The following GLB1L3 variants were observed in gnomAD, a reference collection of about 807,000 sequenced individuals.
The protein encoded by GLB1L3 is beta-galactosidase-1-like protein 3.
GLB1L3 carries 89 observed loss-of-function variants against 89.5 expected under a neutral mutation model. The observed-to-expected ratio is 0.99, with a 90% confidence interval of 0.84 to 1.19. The LOEUF is 1.19. Among genes scored for constraint, GLB1L3 ranks in the 50% most tolerant of loss-of-function variants. The pLI is 0.00. For missense variants in GLB1L3, 812 were observed against 813.3 expected (o/e 1.00, Z 0.02); for synonymous variants, 314 against 312.3 (o/e 1.01, Z -0.06).
downstream of GLB1L3, among the ~76,000 whole-genome samples, chr11:134,323,360 AACACACACACATGCGTGCGC>A (rs1170283602): frequency 6.7e-6 from 1 of 150,222 alleles, no homozygotes; most frequent in Non-Finnish European, 1.5e-5. Flanking sequence ...GTCTCTACTA[AACACACACACATGCGTGCGC>A]ACACACACAC....
chr11:134,300,372 G>C (rs554780067), intron 9 of GLB1L3, among the ~76,000 whole-genome samples: 14 of 138,534 alleles, frequency 1.0e-4, no homozygotes, highest in African/African-American at 3.6e-4. Flanking sequence ...TTGCTCTGTC[G>C]CCCAGGCTAG....
chr11:134,304,630 A>G (rs1591571289), intron 9 of GLB1L3, among the ~76,000 whole-genome samples: 1 of 151,442 alleles, frequency 6.6e-6, no homozygotes, highest in Non-Finnish European at 1.5e-5. Context: ...AATATTTTCT[A>G]TTTTATCTGC....
chr11:134,309,854 G>A (rs1181448678), intron 11 of GLB1L3, 91 bp downstream of exon 11: 1 of 1,406,814 alleles, frequency 7.1e-7, no homozygotes, highest in South Asian at 1.2e-5. Flanking sequence ...GCACCACTGG[G>A]TTCTTGACCT....
At chr11:134,286,629 T>G (rs376502115) in intron 6 of GLB1L3, among the ~76,000 whole-genome samples, 104 of 142,212 alleles carry the variant, frequency 7.3e-4, no homozygotes, top group Middle Eastern at 4.1e-3. Flanking sequence ...TAGAAAAAAT[T>G]AGCCGGGCGT....
chr11:134,318,224 C>T (rs896271010), intron 18 of GLB1L3, among the ~76,000 whole-genome samples: 7 of 152,216 alleles, frequency 4.6e-5, no homozygotes, highest in Non-Finnish European at 1.0e-4. Flanking sequence ...CCTTGTCTCT[C>T]CATTTTCTTC....
chr11:134,307,101 T>C (rs1355879164), intron 9 of GLB1L3, 23 bp from the exon 10 acceptor site: 1 of 1,590,796 alleles, frequency 6.3e-7, no homozygotes, highest in East Asian at 2.2e-5. Flanking sequence ...CCAGACTTAG[T>C]ATTTGCTTTG....
chr11:134,308,475 T>TCACC (rs1565413930), intron 10 of GLB1L3, among the ~76,000 whole-genome samples: 4 of 20,362 alleles, frequency 2.0e-4, no homozygotes, highest in Admixed American at 6.0e-4. Flanking sequence ...CACCACCAAA[T>TCACC]ACCACCACCA....
At chr11:134,309,351 T>G (rs1565415520) in intron 10 of GLB1L3, among the ~76,000 whole-genome samples, 1 of 152,212 alleles carries the variant, frequency 6.6e-6, no homozygotes, top group Non-Finnish European at 1.5e-5. Flanking sequence ...ACGTCATCAA[T>G]AGGTTCTTGG....
intron 14 of GLB1L3, 47 bp from the exon 15 acceptor site, chr11:134,312,769 T>C (rs1942802480): frequency 1.3e-6 from 2 of 1,510,818 alleles, no homozygotes; most frequent in Non-Finnish European, 1.8e-6. Flanking sequence ...CTCTTCTCCC[T>C]TTCTTCGGGT....
At chr11:134,292,952 G>A (rs533740660) in intron 8 of GLB1L3, 193 bp from the exon 9 acceptor site, 25 of 628,182 alleles carry the variant, frequency 4.0e-5, no homozygotes, top group South Asian at 1.1e-4. Context: ...GGGTGTCCTC[G>A]CAAGTGTCAG....
chr11:134,320,758 T>G (rs971360065), downstream of GLB1L3, among the ~76,000 whole-genome samples: 2 of 151,190 alleles, frequency 1.3e-5, no homozygotes, highest in Non-Finnish European at 2.9e-5. Context: ...AAACAAAATA[T>G]AGAACTTTCT....
chr11:134,306,202 A>G (rs1013523578), intron 9 of GLB1L3, among the ~76,000 whole-genome samples: 1 of 152,234 alleles, frequency 6.6e-6, no homozygotes, highest in Non-Finnish European at 1.5e-5. Context: ...AAGCAAAAAC[A>G]ATTAGAATGG....
intron 7 of GLB1L3, among the ~76,000 whole-genome samples, chr11:134,291,701 G>A (rs561114195): frequency 6.4e-4 from 97 of 152,196 alleles, no homozygotes; most frequent in Non-Finnish European, 1.0e-3. Flanking sequence ...TTGGCCAGGC[G>A]TGGTGGCTCA....
Position 134,312,362 on chromosome 11 carries a change from G to A in GLB1L3, c.1301G>A (p.Arg434His), listed in dbSNP as rs202191143. ...TTCTCCTCATAGCCAGTCAGGTCGC[G>A]TCAGCCCGTCAACATGGAGAACCTT... ...LSYLNEPVRS[R>H]QPVNMENLPI... Residue 434 changes from arginine (R) to histidine (H), a missense_variant, in exon 14 of 20, where the codon CGT becomes CAT. Physicochemically the swap from Arg to His is conservative, Grantham distance 29. This residue lies in a region of GLB1L3 where 618 missense variants were observed against 604.0 expected (regional missense o/e 1.02). Transcript: ENST00000431683. 98 of 1,613,586 alleles carry A rather than the reference G, an allele frequency of 6.1e-5. No homozygotes were observed. The highest frequency in any genetic ancestry group is 9.3e-5 in the African/African-American group (7 of 75,038).
downstream of GLB1L3, among the ~76,000 whole-genome samples, chr11:134,321,965 A>G (rs531500947): frequency 7.2e-5 from 11 of 152,368 alleles, 1 homozygote; most frequent in South Asian, 1.2e-3. Context: ...AGTAGAATAA[A>G]TACAGATATA....
intron 7 of GLB1L3, among the ~76,000 whole-genome samples, chr11:134,290,231 A>G (rs1941270984): frequency 6.6e-6 from 1 of 152,182 alleles, no homozygotes; most frequent in Admixed American, 6.5e-5. Context: ...GTATTCAGCC[A>G]GCATTATTTA....
chr11:134,276,609 C>A lies in GLB1L3; in HGVS notation c.-132C>A. ...GCCTCGGGACGGATTTCTGCCTCGGCTGCAGGCGCAGCGCGCAGACCTGAG... is the reference window on the plus strand; with the variant it reads ...GCCTCGGGACGGATTTCTGCCTCGGATGCAGGCGCAGCGCGCAGACCTGAG... On this transcript the variant is annotated 5_prime_UTR_variant, in exon 1 of 20. In the 5' UTR this introduces an upstream ATG that the reference lacks. Coordinates refer to ENST00000431683, the MANE Select transcript of GLB1L3 (RefSeq NM_001080407.3). 1.2e-6 allele frequency: 1 copy of A among 825,026 alleles called. No individual in the cohort carries two copies. The highest frequency in any genetic ancestry group is 1.6e-6 in the Non-Finnish European group (1 of 614,406). The allele number at this position is 825,026 out of a possible 1,614,324, so 51.1% of individuals were successfully genotyped here. A position where few individuals can be genotyped will look rare whatever the true frequency, so the allele number is the denominator to read the frequency against.
At chr11:134,321,010 A>T (rs1591602327), downstream of GLB1L3, among the ~76,000 whole-genome samples, 1 of 152,210 alleles carries the variant, frequency 6.6e-6, no homozygotes, top group African/African-American at 2.4e-5. Context: ...TTTCTAAAAG[A>T]TATGCCACGA....
chr11:134,278,050 C>G, intron 3 of GLB1L3, 138 bp downstream of exon 3: 2 of 778,028 alleles, frequency 2.6e-6, no homozygotes, highest in Non-Finnish European at 4.2e-6. Context: ...ACATTTAATG[C>G]TTAAGCGTCC....
Sources: gnomAD v4.1 joint callset for allele counts (sites outside exome capture counted in the v4.1 genomes callset) on GRCh38, gnomAD v4.1.1 for gene constraint, gnomAD v4.1.1 regional missense constraint, MANE v1.5 for transcripts, NCBI Gene and HGNC (gene_info 2026-07-23, HGNC 2026-07-21) for gene names.